Variants in SORCS2 observed in about 807,000 individuals in gnomAD.
SORCS2 encodes the protein VPS10 domain-containing receptor SorCS2.
Under a neutral mutation model 141.6 loss-of-function variants are expected in SORCS2, and 100 were observed. The observed-to-expected ratio is 0.71, with a 90% confidence interval of 0.60 to 0.83. The LOEUF is 0.83. Ranked by LOEUF, SORCS2 falls within the 40% of genes least tolerant of loss-of-function variation. The probability of loss-of-function intolerance (pLI) is 0.00; values close to 1 mark genes in which losing one functional copy is unlikely to be tolerated. For missense variants in SORCS2, 1,646 were observed against 1,560.2 expected, an observed-to-expected ratio of 1.05 and a Z score of -0.93; for synonymous variants, 789 against 676.9, an observed-to-expected ratio of 1.17 and a Z score of -2.57.
rs532857857 is a variant in SORCS2 at position 7,228,731 on chromosome 4, G to A, written c.480+35605G>A. On this transcript the variant is annotated intron_variant, in intron 1 of 26. Transcript: ENST00000507866. ...TCTGTGGTCAGGGCTTGGGGCCTAC[G>A]ACTCTGTCCAGCTGCTCTGGGGCTG... Among the ~76,000 whole-genome samples, 280 of 152,316 alleles carry A rather than the reference G, an allele frequency of 1.8e-3. 3 individuals carry two copies. The highest frequency in any genetic ancestry group is 6.5e-3 in the African/African-American group (270 of 41,566).
At chr4:7,341,247 G>A (rs1242682666) in intron 1 of SORCS2, among the ~76,000 whole-genome samples, 1 of 152,196 alleles carries the variant, frequency 6.6e-6, no homozygotes, top group Non-Finnish European at 1.5e-5. Context: ...TTCTGCTCAC[G>A]CTGCTCTGTT....
At chr4:7,433,458 G>T (rs932429382) in intron 2 of SORCS2, 3 of 1,555,764 alleles carry the variant, frequency 1.9e-6, no homozygotes, top group African/African-American at 2.7e-5. Context: ...CCAGCAGTGG[G>T]GTCCTGGGGC....
intron 1 of SORCS2, among the ~76,000 whole-genome samples, chr4:7,327,331 T>C (rs926250444): frequency 6.6e-6 from 1 of 152,184 alleles, no homozygotes; most frequent in African/African-American, 2.4e-5. Context: ...GCTCCTCGGC[T>C]TGCACCACAT....
intron 1 of SORCS2, among the ~76,000 whole-genome samples, chr4:7,384,663 C>T (rs983242691): frequency 6.6e-6 from 1 of 152,210 alleles, no homozygotes; most frequent in Non-Finnish European, 1.5e-5. Context: ...TCTTGGGAGA[C>T]AGTGTGTTCT....
rs143683917 is a variant in SORCS2, at chr4:7,263,886, C to A, written c.480+70760C>A. On this transcript the variant is annotated intron_variant, in intron 1 of 26. Coordinates refer to ENST00000507866, the MANE Select transcript of SORCS2 (RefSeq NM_020777.3). ...TTGCTGGGCACCATGGACCTTGGTGCGTCTCGTTCCCACCGTGGGCCGTGG... is the reference window on the plus strand; with the variant it reads ...TTGCTGGGCACCATGGACCTTGGTGAGTCTCGTTCCCACCGTGGGCCGTGG... Among the ~76,000 whole-genome samples the A allele has an allele frequency of 1.8e-3, 280 of 152,304 alleles. 1 individual carries two copies. Among genetic ancestry groups the A allele is most frequent in the African/African-American group, 6.4e-3 (268 of 41,572 alleles).
At chr4:7,196,657 C>A (rs1273185830) in intron 1 of SORCS2, among the ~76,000 whole-genome samples, 1 of 149,156 alleles carries the variant, frequency 6.7e-6, no homozygotes, top group African/African-American at 2.5e-5. Flanking sequence ...TCCCCTCCCT[C>A]TGCCCATTTT....
In SORCS2 at chr4:7,664,741, C is replaced by T. The variant is rs1156682474; in HGVS notation, c.1071+270C>T. Among the ~76,000 whole-genome samples the T allele has an allele frequency of 1.3e-5, 2 of 152,190 alleles. No homozygotes were observed. Among genetic ancestry groups the T allele is most frequent in the African/African-American group, 2.4e-5 (1 of 41,444 alleles). The stretch of plus-strand genomic sequence containing the variant: ...CTCCCAGCCACTCGGGGTCCCCAAA[C>T]CTAAGCCCATTTAGCCCCATTTGGC... On this transcript the variant is annotated intron_variant, in intron 7 of 26. Transcript: ENST00000507866. This position sits in a 1 kb window ranked among gnomAD's most constrained non-coding sequence, Gnocchi z 4.7.
chr4:7,450,784 A>G (rs917752246), intron 2 of SORCS2, among the ~76,000 whole-genome samples: 5 of 152,182 alleles, frequency 3.3e-5, no homozygotes, highest in African/African-American at 1.2e-4. Context: ...AGAGTGAATG[A>G]GGGAATGAAT....
intron 2 of SORCS2, among the ~76,000 whole-genome samples, chr4:7,457,952 C>G (rs568054165): frequency 6.6e-6 from 1 of 151,896 alleles, no homozygotes; most frequent in African/African-American, 2.4e-5. Context: ...GGGGCAGGGA[C>G]GTCCACACTG....
At chr4:7,537,015 C>A (rs1712187311) in intron 3 of SORCS2, among the ~76,000 whole-genome samples, 1 of 152,144 alleles carries the variant, frequency 6.6e-6, no homozygotes, top group South Asian at 2.1e-4. Flanking sequence ...CCCTAGAGTA[C>A]CCCTTGTCAT....
chr4:7,277,207 G>C (rs1361341049), intron 1 of SORCS2, among the ~76,000 whole-genome samples: 3 of 152,200 alleles, frequency 2.0e-5, no homozygotes, highest in African/African-American at 7.2e-5. Flanking sequence ...GAGGAAGGAG[G>C]CAGGGGCTTG....
rs191336762 is a variant in SORCS2, at chr4:7,336,564, A to T, written c.481-59724A>T. Among the ~76,000 whole-genome samples, 44 of 77,674 alleles carry T rather than the reference A, an allele frequency of 5.7e-4. 16 individuals carry two copies. The East Asian group carries it at 0.018, about 31-fold the overall frequency. The allele number at this position is 77,674 out of a possible 152,430, so 51.0% of individuals were successfully genotyped here. On this transcript the variant is annotated intron_variant, in intron 1 of 26. Transcript: ENST00000507866. ...GGATGAAGGACTCTTGTCTCCAAAG[A>T]TGGGGTTTCTAGGGTCCCAGGACCT...
chr4:7,204,870 A>G (rs1727651360), intron 1 of SORCS2, among the ~76,000 whole-genome samples: 1 of 152,222 alleles, frequency 6.6e-6, no homozygotes, highest in African/African-American at 2.4e-5. Flanking sequence ...AAAGGAGACC[A>G]TTCCCGGAGG....
chr4:7,530,050 C>T (rs1013271801), intron 2 of SORCS2, among the ~76,000 whole-genome samples: 5 of 152,184 alleles, frequency 3.3e-5, no homozygotes, highest in Non-Finnish European at 5.9e-5. Context: ...CCTGTGGCCA[C>T]GTGGCCAGCA....
intron 1 of SORCS2, among the ~76,000 whole-genome samples, chr4:7,239,861 G>A (rs1248329021): frequency 6.6e-6 from 1 of 152,202 alleles, no homozygotes; most frequent in Non-Finnish European, 1.5e-5. Context: ...AGGGTGAACA[G>A]CCCAGAGCTG....
At chr4:7,422,780 G>A (rs1178980728) in intron 2 of SORCS2, among the ~76,000 whole-genome samples, 1 of 152,060 alleles carries the variant, frequency 6.6e-6, no homozygotes, top group African/African-American at 2.4e-5. Context: ...GCCTGCCCTT[G>A]TCCCCGAGAG....
intron 1 of SORCS2, among the ~76,000 whole-genome samples, chr4:7,328,828 C>G (rs1349386667): frequency 6.6e-6 from 1 of 152,238 alleles, no homozygotes; most frequent in African/African-American, 2.4e-5. Context: ...CCTCAGCCAG[C>G]CCATCTCTAC....
chr4:7,449,711 G>T (rs1728320161), intron 2 of SORCS2, among the ~76,000 whole-genome samples: 1 of 152,072 alleles, frequency 6.6e-6, no homozygotes, highest in African/African-American at 2.4e-5. Context: ...GCCCTGGAGG[G>T]AAGCGGCTTC....
chr4:7,197,825 C>T (rs1204129283), intron 1 of SORCS2, among the ~76,000 whole-genome samples: 2 of 152,284 alleles, frequency 1.3e-5, no homozygotes, highest in Non-Finnish European at 1.5e-5. Flanking sequence ...GCAGCCTGCC[C>T]GGGTCTGTAT....
Sources: gnomAD v4.1 joint callset for allele counts (sites outside exome capture counted in the v4.1 genomes callset) on GRCh38, gnomAD v4.1.1 for gene constraint, Gnocchi (gnomAD v3.1) non-coding constraint, MANE v1.5 for transcripts, NCBI Gene and HGNC (gene_info 2026-07-23, HGNC 2026-07-21) for gene names.